The following LMNTD2 variants were observed in gnomAD, a reference collection of about 807,000 sequenced individuals.
The protein encoded by LMNTD2 is lamin tail domain-containing protein 2.
In LMNTD2, 83 loss-of-function variants were observed where a neutral mutation model predicts 70.1. That is an observed-to-expected ratio of 1.18 (90% CI 0.99 to 1.42). The LOEUF (loss-of-function observed/expected upper bound fraction) is 1.42, where lower values mean the gene tolerates loss of function less well. Ranked by LOEUF, LMNTD2 falls within the 40% of genes most tolerant of loss-of-function variation. The pLI, the probability that LMNTD2 is intolerant of heterozygous loss-of-function variation, is 0.00. For synonymous variants in LMNTD2, 534 were observed against 406.1 expected (o/e 1.31, Z -3.79); for missense variants, 1,153 against 905.9 (o/e 1.27, Z -3.50).
At chr11:560,613 C>T in intron 1 of LMNTD2, 70 bp downstream of exon 1, 1 of 1,321,692 alleles carries the variant, frequency 7.6e-7, no homozygotes, top group Non-Finnish European at 9.8e-7. Flanking sequence ...AGAGACCCTT[C>T]CTGGGCGGGA....
Position 555,478 on chromosome 11 carries a change from T to C in LMNTD2, c.1600A>G (p.Ser534Gly). Residue 534 changes from serine to glycine, a missense_variant, in exon 13 of 14, where the codon AGC becomes GGC. Ser to Gly is a moderately conservative substitution (Grantham distance 56). Transcript: ENST00000329451. ...PGTRGLLPPV[S>G]SGKLFHAREG... ...CGCGCGTGGAAGAGCTTCCCCGAGCTCACTGGGGGCAGCAGGCCCCGCGTC... is the reference window on the plus strand; with the variant it reads ...CGCGCGTGGAAGAGCTTCCCCGAGCCCACTGGGGGCAGCAGGCCCCGCGTC... 7.3e-7 allele frequency: 1 copy of C among 1,370,220 alleles called. No individual in the cohort carries two copies. Among genetic ancestry groups the C allele is most frequent in the Non-Finnish European group, 9.4e-7 (1 of 1,067,912 alleles). The allele number at this position is 1,370,220 out of a possible 1,614,324, so 84.9% of individuals were successfully genotyped here. A position where few individuals can be genotyped will look rare whatever the true frequency, so the allele number is the denominator to read the frequency against.
rs200234918 is a variant in LMNTD2 at position 556,873 on chromosome 11, G to A, written c.938C>T (p.Ala313Val). ...GCTGTAGCTGCCGGCCTGCACCAGC[G>A]CTTGCTCGGAGGAAGCGCGGTGGTC... ...PRDHRASSEQ[A>V]LVQAGSYSRD... Residue 313 changes from alanine (A) to valine (V), a missense_variant, in exon 8 of 14, where the codon GCG becomes GTG. Transcript: ENST00000329451. 7 of 1,591,996 alleles carry A rather than the reference G, an allele frequency of 4.4e-6. No individual in the cohort carries two copies. The highest frequency in any genetic ancestry group is 4.0e-5 in the African/African-American group (3 of 74,592).
intron 1 of LMNTD2, 100 bp from the exon 2 acceptor site, chr11:559,079 G>A (rs773454835): frequency 8.4e-6 from 13 of 1,548,728 alleles, no homozygotes; most frequent in East Asian, 2.3e-5. Context: ...GGGGTGGGGG[G>A]CCCGTCTGCC....
chr11:555,389 C>T lies in LMNTD2; in HGVS notation c.1689G>A (p.Pro563=), dbSNP rs776635035. 9 of 1,398,498 alleles carry T rather than the reference C, an allele frequency of 6.4e-6. No homozygotes were observed. The highest frequency in any genetic ancestry group is 5.9e-5 in the East Asian group (2 of 34,092). The allele number at this position is 1,398,498 out of a possible 1,614,324, so 86.6% of individuals were successfully genotyped here. A position where few individuals can be genotyped will look rare whatever the true frequency, so the allele number is the denominator to read the frequency against. The change falls in exon 13 of 14, where the codon CCG becomes CCA. Residue 563 remains proline (P), a synonymous_variant. Transcript: ENST00000329451. ...IPAPQHLPAI[P]GDPTLPSPPA... is the part of the protein sequence containing the mutation. ...GAGGCGACGGCAGGGTGGGGTCACC[C>T]GGGATGGCGGGCAGGTGCTGCGGCG... is the stretch of plus-strand genomic sequence containing the variant.
intron 7 of LMNTD2, 127 bp downstream of exon 7, chr11:557,272 A>C (rs940947935): frequency 6.7e-5 from 92 of 1,364,480 alleles, no homozygotes; most frequent in Non-Finnish European, 9.2e-5. Context: ...AGATCAGAGA[A>C]CGCGCATTGG....
rs1852828202 is a variant in LMNTD2, at chr11:555,884, C to T, written c.1424G>A (p.Arg475Lys). 2 of 1,566,128 alleles carry T rather than the reference C, an allele frequency of 1.3e-6. No homozygotes were observed. Among genetic ancestry groups the T allele is most frequent in the Admixed American group, 1.9e-5 (1 of 53,938 alleles). ...RIPRRETPAP[R>K]VFADGTDLSI... ...CAAGTCGGTGCCGTCGGCGAAGACC[C>T]TCGGGGCCGGAGTCTCGCGGCGTGG... The change falls in exon 12 of 14, where the codon AGG becomes AAG. Residue 475 changes from arginine (R) to lysine (K), a missense_variant. By Grantham distance (26) the Arg-to-Lys change is conservative. Coordinates refer to ENST00000329451, the MANE Select transcript of LMNTD2 (RefSeq NM_173573.3).
intron 3 of LMNTD2, 150 bp downstream of exon 3, chr11:558,464 G>A (rs555760959): frequency 5.3e-5 from 60 of 1,128,034 alleles, no homozygotes; most frequent in African/African-American, 6.2e-5. Context: ...AGGCTATAGC[G>A]TGTTAACTTA....
intron 1 of LMNTD2, 110 bp downstream of exon 1, chr11:560,573 A>T (rs1446256898): frequency 7.8e-7 from 1 of 1,287,766 alleles, no homozygotes; most frequent in African/African-American, 1.5e-5. Context: ...CTGCCCCTGG[A>T]CGCAGGCGGG....
Position 556,946 on chromosome 11 carries a change from GGCA to G in LMNTD2, c.862_864del (p.Cys288del). 1 of 1,601,424 alleles carries G rather than the reference GGCA, an allele frequency of 6.2e-7. No individual in the cohort carries two copies. The highest frequency in any genetic ancestry group is 8.5e-7 in the Non-Finnish European group (1 of 1,177,890). ...TGCACGAAGGAAGGCAGGCCCGGCCGGCAGCTGCTGGAGTCGGAGTCAGCGCCC... is the reference window on the plus strand; with the variant it reads ...TGCACGAAGGAAGGCAGGCCCGGCCGGCTGCTGGAGTCGGAGTCAGCGCCC... On this transcript the variant is annotated inframe_deletion, in exon 8 of 14. Transcript: ENST00000329451.
chr11:555,227 A>AGGGG, intron 13 of LMNTD2, 78 bp downstream of exon 13: 1 of 435,672 alleles, frequency 2.3e-6, no homozygotes, highest in African/African-American at 9.6e-5. Flanking sequence ...GAGGAGACAG[A>AGGGG]GGGGAGGGAG....
rs1392736522 is a variant in LMNTD2 at position 556,871 on chromosome 11, G to C, written c.940C>G (p.Leu314Val). 8.8e-6 allele frequency: 14 copies of C among 1,591,390 alleles called. No individual in the cohort carries two copies. Among genetic ancestry groups the C allele is most frequent in the Non-Finnish European group, 1.2e-5 (14 of 1,169,572 alleles). The change falls in exon 8 of 14, where the codon CTG (leucine) becomes GTG (valine). Residue 314 changes from leucine to valine, a missense_variant. Transcript: ENST00000329451. ...CTGCTGTAGCTGCCGGCCTGCACCA[G>C]CGCTTGCTCGGAGGAAGCGCGGTGG... Reference protein sequence around the residue: ...RDHRASSEQALVQAGSYSRDS... With the variant: ...RDHRASSEQAVVQAGSYSRDS...
At position 556,072 on chromosome 11, in the gene LMNTD2, G is replaced by A. The variant is rs1167239288; in HGVS notation, c.1301C>T (p.Ala434Val). The stretch of plus-strand genomic sequence containing the variant: ...GGGAACGGGCTCCCGGCTCGAGGAC[G>A]CGCGCAGCGGCTTCTTGGCGCTGCG... ...ATRSAKKPLRASSSREPVPLL... is the reference protein window; with the variant it reads ...ATRSAKKPLRVSSSREPVPLL... Residue 434 changes from alanine (A) to valine (V), a missense_variant, in exon 11 of 14, where the codon GCG (alanine) becomes GTG (valine). Ala to Val is a moderately conservative substitution (Grantham distance 64). Coordinates refer to ENST00000329451, the MANE Select transcript of LMNTD2 (RefSeq NM_173573.3). The A allele has an allele frequency of 1.9e-6, 3 of 1,542,912 alleles. No individual in the cohort carries two copies. The highest frequency in any genetic ancestry group is 1.9e-5 in the Admixed American group (1 of 53,120).
chr11:558,655 G>T lies in LMNTD2; in HGVS notation c.270C>A (p.Leu90=). The T allele has an allele frequency of 6.2e-7, 1 of 1,606,914 alleles. No individual in the cohort carries two copies. Residue 90 remains leucine, a synonymous_variant, in exon 3 of 14, where the codon CTC becomes CTA. Coordinates refer to ENST00000329451, the MANE Select transcript of LMNTD2 (RefSeq NM_173573.3). Reference sequence around the variant, plus strand: ...CCGCCACCTCTTCCAGGATGTGGCAGAGCCGGGCGTCCTCGCCATTCTGGA... The same window carrying T: ...CCGCCACCTCTTCCAGGATGTGGCATAGCCGGGCGTCCTCGCCATTCTGGA... ...WAIQNGEDAR[L]CHILEEVAGL... is the part of the protein sequence containing the mutation.
At chr11:557,547 C>T in intron 6 of LMNTD2, 25 bp downstream of exon 6, 2 of 1,613,468 alleles carry the variant, frequency 1.2e-6, no homozygotes, top group South Asian at 1.1e-5. Flanking sequence ...GATACCAGAC[C>T]ACACACGTGG....
Position 555,083 on chromosome 11 carries a change from C to CA in LMNTD2, c.1801dup (p.Cys601LeufsTer?), listed in dbSNP as rs1379209007. On this transcript the variant is annotated frameshift_variant, in exon 14 of 14. Transcript: ENST00000329451. LOFTEE classifies it low-confidence loss of function (END_TRUNC). Reference sequence around the variant, plus strand: ...CTGCACCGACAGGGCCACCAGGGGGCAGCTACGGTCCACGCTCTTCCGGCA... The same window carrying CA: ...CTGCACCGACAGGGCCACCAGGGGGCAAGCTACGGTCCACGCTCTTCCGGCA... 2 of 1,571,792 alleles carry CA rather than the reference C, an allele frequency of 1.3e-6. No homozygotes were observed. Among genetic ancestry groups the CA allele is most frequent in the African/African-American group, 2.9e-5 (2 of 68,968 alleles).
At position 557,573 on chromosome 11, in the gene LMNTD2, T is replaced by A. The variant is rs778137078; in HGVS notation, c.623A>T (p.Glu208Val). 4.3e-6 allele frequency: 7 copies of A among 1,613,316 alleles called. No individual in the cohort carries two copies. In the Admixed American group the frequency reaches 1.0e-4, roughly 23 times the overall value. Residue 208 changes from glutamate (E) to valine (V), a missense_variant and splice_region_variant, in exon 6 of 14, where the codon GAG becomes GTG. By Grantham distance (121) the Glu-to-Val change is moderately radical. Transcript: ENST00000329451. ...LSENIQAPTG[E>V]GFRLEDVDWN... ...ACACACGTGGGAGGCCTAGCTCACC[T>A]CCCCGGTGGGGGCCTGAATGTTTTC...
At position 556,367 on chromosome 11, in the gene LMNTD2, C is replaced by T. The variant is rs544841322; in HGVS notation, c.1082G>A (p.Gly361Asp). The change falls in exon 10 of 14, where the codon GGC (glycine) becomes GAC (aspartate). Residue 361 changes from glycine to aspartate, a missense_variant. Gly to Asp is a moderately conservative substitution (Grantham distance 94). Coordinates refer to ENST00000329451, the MANE Select transcript of LMNTD2 (RefSeq NM_173573.3). Reference protein sequence around the residue: ...WSPELLQSPTGLKIVAVSCRE... With the variant: ...WSPELLQSPTDLKIVAVSCRE... ...GCAGCTCACAGCCACGATCTTCAGG[C>T]CTGTCGGGCTGGGAAGAGAGGAGAC... 168 of 1,536,054 alleles carry T rather than the reference C, an allele frequency of 1.1e-4. 2 individuals carry two copies. In the South Asian group the frequency reaches 1.9e-3, roughly 17 times the overall value.
In LMNTD2 at chr11:555,049, C is replaced by G. The variant is rs375791344; in HGVS notation, c.1836G>C (p.Ala612=). The G allele has an allele frequency of 4.4e-6, 7 of 1,593,266 alleles. No homozygotes were observed. The highest frequency in any genetic ancestry group is 6.0e-6 in the Non-Finnish European group (7 of 1,172,910). Residue 612 remains alanine, a synonymous_variant, in exon 14 of 14, where the codon GCG becomes GCC. Transcript: ENST00000329451. ...GGAAGCGGAAGCCGAATCTGCTCTC[C>G]GCCGTGTTCTGCACCGACAGGGCCA... ...PLVALSVQNT[A]ESRFGFRFLS... is the part of the protein sequence containing the mutation.
chr11:555,115 G>C lies in LMNTD2; in HGVS notation c.1774-4C>G. ...GGTCCACGCTCTTCCGGCACACCTG[G>C]GGGGCGCGGGGGCTGAGAGGCGCGC... is the stretch of plus-strand genomic sequence containing the variant. On this transcript the variant is annotated splice_region_variant and splice_polypyrimidine_tract_variant and intron_variant, in intron 13 of 13. Coordinates refer to ENST00000329451, the MANE Select transcript of LMNTD2 (RefSeq NM_173573.3). 1.4e-6 allele frequency: 2 copies of C among 1,451,696 alleles called. No homozygotes were observed. Among genetic ancestry groups the C allele is most frequent in the Admixed American group, 2.4e-5 (1 of 40,846 alleles). 89.9% of individuals were successfully genotyped at this position (1,451,696 alleles called of 1,614,324 possible).
Sources: allele counts gnomAD v4.1 joint callset, GRCh38; gene constraint gnomAD v4.1.1; transcripts MANE v1.5; gene names NCBI Gene and HGNC (gene_info 2026-07-23, HGNC 2026-07-21).